STXBP5: variants seen among roughly 807,000 people sequenced by gnomAD.
The protein encoded by STXBP5 is syntaxin binding protein 5, also known as syntaxin-binding protein 5.
STXBP5 carries 50 observed loss-of-function variants against 152.4 expected under a neutral mutation model. The ratio of observed to expected loss-of-function variants is 0.33; its 90% confidence interval spans 0.26 to 0.42. The LOEUF is 0.42. Among genes scored for constraint, STXBP5 ranks in the 10% least tolerant of loss-of-function variants. The pLI is 1.00. For synonymous variants in STXBP5, 492 were observed against 494.7 expected, an observed-to-expected ratio of 0.99 and a Z score of 0.07; for missense variants, 1,167 against 1,388.6, an observed-to-expected ratio of 0.84 and a Z score of 2.54.
At position 147,273,930 on chromosome 6, in the gene STXBP5, C is replaced by A. The variant is rs1396312092; in HGVS notation, c.715-4151C>A. Among the ~76,000 whole-genome samples the A allele has an allele frequency of 4.1e-5, 6 of 146,870 alleles. No individual in the cohort carries two copies. In the East Asian group the frequency reaches 1.2e-3, roughly 29 times the overall value. The stretch of plus-strand genomic sequence containing the variant: ...TGGCGCCACTGCACTCCAGCCTGGG[C>A]GACAGAGCGAGACTCTGGCAAAAAA... On this transcript the variant is annotated intron_variant, in intron 7 of 27. Coordinates refer to ENST00000321680, the MANE Select transcript of STXBP5 (RefSeq NM_001127715.4).
At chr6:147,249,471 T>C (rs1184381481) in intron 4 of STXBP5, among the ~76,000 whole-genome samples, 3 of 152,148 alleles carry the variant, frequency 2.0e-5, no homozygotes, top group Non-Finnish European at 4.4e-5. Flanking sequence ...GAGAAAGTGG[T>C]TCCTTGTTGT....
chr6:147,250,562 G>T lies in STXBP5; in HGVS notation c.432-10053G>T, dbSNP rs186440784. ...GGGACTTGAATATCTTTGGATTTTG[G>T]TATTCATGGGGCTCCTGGAACCAAT... On this transcript the variant is annotated intron_variant, in intron 4 of 27. Transcript: ENST00000321680. Among the ~76,000 whole-genome samples the T allele has an allele frequency of 1.1e-4, 17 of 152,174 alleles. No individual in the cohort carries two copies. The East Asian group carries it at 3.1e-3, about 28-fold the overall frequency.
intron 7 of STXBP5, among the ~76,000 whole-genome samples, chr6:147,268,219 C>A (rs1779987516): frequency 6.6e-6 from 1 of 152,164 alleles, no homozygotes; most frequent in Admixed American, 6.5e-5. Flanking sequence ...CTCCTCCCTA[C>A]TAATCTGTAT....
intron 9 of STXBP5, among the ~76,000 whole-genome samples, chr6:147,307,453 A>G (rs1782151539): frequency 6.6e-6 from 1 of 152,190 alleles, no homozygotes; most frequent in African/African-American, 2.4e-5. Context: ...AACTTTTAAT[A>G]CAATTCCAAA....
At chr6:147,324,694 CCCTCTTCTT>C (rs1203973192) in intron 16 of STXBP5, among the ~76,000 whole-genome samples, 1 of 151,896 alleles carries the variant, frequency 6.6e-6, no homozygotes, top group African/African-American at 2.4e-5. Context: ...TTTCCTTTCT[CCCTCTTCTT>C]CCTCCTCACC....
In STXBP5 at chr6:147,386,162, A is replaced by C. The variant is rs1228991616; in HGVS notation, c.*1407A>C. The C allele has an allele frequency of 6.6e-6, 1 of 152,010 alleles. No homozygotes were observed. Among genetic ancestry groups the C allele is most frequent in the Non-Finnish European group, 1.5e-5 (1 of 67,920 alleles). 9.4% of individuals were successfully genotyped at this position (152,010 alleles called of 1,614,324 possible). ...GAATACAGACTAATCTGAGATTATT[A>C]TTGATTGTTGTTAAAGCAACCCAGC... On this transcript the variant is annotated 3_prime_UTR_variant, in exon 28 of 28. Transcript: ENST00000321680.
At chr6:147,346,664 C>G (rs539446732) in intron 21 of STXBP5, among the ~76,000 whole-genome samples, 1 of 152,020 alleles carries the variant, frequency 6.6e-6, no homozygotes, top group South Asian at 2.1e-4. Context: ...TGCTCGAACC[C>G]AGGCGGCGGA....
In STXBP5 at chr6:147,229,236, T is replaced by C. The variant is rs560281311; in HGVS notation, c.249-6014T>C. Among the ~76,000 whole-genome samples, 6 of 152,186 alleles carry C rather than the reference T, an allele frequency of 3.9e-5. No individual in the cohort carries two copies. The East Asian group carries it at 9.6e-4, about 24-fold the overall frequency. On this transcript the variant is annotated intron_variant, in intron 2 of 27. Transcript: ENST00000321680. ...ACATATTTAAGAATATCGTATGTTT[T>C]AATTTGTTTTCGTGAATAATTCTAG... is the stretch of plus-strand genomic sequence containing the variant.
At chr6:147,371,876 A>G (rs1297220507) in intron 25 of STXBP5, among the ~76,000 whole-genome samples, 1 of 152,162 alleles carries the variant, frequency 6.6e-6, no homozygotes, top group Non-Finnish European at 1.5e-5. Context: ...CACCCAAATG[A>G]TAGCTGTGTT....
At chr6:147,347,765 A>G (rs895818051) in intron 21 of STXBP5, among the ~76,000 whole-genome samples, 4 of 152,206 alleles carry the variant, frequency 2.6e-5, no homozygotes, top group Admixed American at 6.5e-5. Flanking sequence ...GTAATAAAAA[A>G]AAGTTTGAAA....
chr6:147,351,327 G>A lies in STXBP5; in HGVS notation c.2255-1996G>A, dbSNP rs192412198. On this transcript the variant is annotated intron_variant, in intron 21 of 27. Transcript: ENST00000321680. ...TATCAAATCAGAGTAGTGATGTCTA[G>A]AGAGGCGGCATCCATATCATATGAT... 1.6e-4 allele frequency among the ~76,000 whole-genome samples: 25 copies of A among 152,314 alleles called. No homozygotes were observed. The East Asian group carries it at 3.7e-3, about 22-fold the overall frequency.
chr6:147,289,971 C>T (rs563626519), intron 8 of STXBP5, among the ~76,000 whole-genome samples: 37 of 152,284 alleles, frequency 2.4e-4, no homozygotes, highest in Middle Eastern at 6.8e-3. Context: ...GAGACTGCGG[C>T]GGGCAGCTCC....
At chr6:147,327,607 G>C (rs1461440675) in intron 18 of STXBP5, among the ~76,000 whole-genome samples, 2 of 151,976 alleles carry the variant, frequency 1.3e-5, no homozygotes, top group Admixed American at 1.3e-4. Flanking sequence ...ATACCCAGCT[G>C]GTTTTTTGTA....
chr6:147,271,794 A>C (rs1248065570), intron 7 of STXBP5, among the ~76,000 whole-genome samples: 1 of 152,166 alleles, frequency 6.6e-6, no homozygotes, highest in Non-Finnish European at 1.5e-5. Context: ...AATCAATGAA[A>C]TAGCTAACAG....
chr6:147,263,727 ATC>A (rs1020300147), intron 6 of STXBP5, among the ~76,000 whole-genome samples: 2 of 151,368 alleles, frequency 1.3e-5, no homozygotes, highest in African/African-American at 4.9e-5. Flanking sequence ...TTCTCTTTCC[ATC>A]TCTCTGCTGA....
chr6:147,345,722 T>G lies in STXBP5; in HGVS notation c.2254+6338T>G, dbSNP rs531011922. Among the ~76,000 whole-genome samples the G allele has an allele frequency of 2.0e-4, 31 of 152,312 alleles. No individual in the cohort carries two copies. In the South Asian group the frequency reaches 6.0e-3, roughly 30 times the overall value. On this transcript the variant is annotated intron_variant, in intron 21 of 27. Transcript: ENST00000321680. Reference sequence around the variant, plus strand: ...AGTTCTGTTTTTCTTTCAAGAATGCTTGTTTAGAAAAAAGATGTGGACACA... The same window carrying G: ...AGTTCTGTTTTTCTTTCAAGAATGCGTGTTTAGAAAAAAGATGTGGACACA...
intron 4 of STXBP5, among the ~76,000 whole-genome samples, chr6:147,240,803 G>A (rs1163903067): frequency 6.6e-6 from 1 of 152,116 alleles, no homozygotes; most frequent in Admixed American, 6.6e-5. Flanking sequence ...AACGTGGTTT[G>A]GGAGAAACGA....
Position 147,325,094 on chromosome 6 carries a change from A to G in STXBP5, c.1928+10A>G. 2 of 1,490,306 alleles carry G rather than the reference A, an allele frequency of 1.3e-6. No individual in the cohort carries two copies. Among genetic ancestry groups the G allele is most frequent in the Non-Finnish European group, 1.8e-6 (2 of 1,112,806 alleles). The allele number at this position is 1,490,306 out of a possible 1,614,324, so 92.3% of individuals were successfully genotyped here. ...ATTCTTCCTATGGACTGTAAGTATA[A>G]GTTACGTTTTTTTCTAAGTCTCTTC... On this transcript the variant is annotated intron_variant, in intron 17 of 27. Coordinates refer to ENST00000321680, the MANE Select transcript of STXBP5 (RefSeq NM_001127715.4).
chr6:147,207,154 C>T (rs1323897289), intron 2 of STXBP5, among the ~76,000 whole-genome samples: 1 of 151,966 alleles, frequency 6.6e-6, no homozygotes, highest in African/African-American at 2.4e-5. Context: ...TAAACATGTG[C>T]CAGGCATTTT....
Sources: allele counts gnomAD v4.1 joint callset (sites outside exome capture counted in the v4.1 genomes callset), GRCh38; gene constraint gnomAD v4.1.1; transcripts MANE v1.5; gene names NCBI Gene and HGNC (gene_info 2026-07-23, HGNC 2026-07-21).